RABGEF1: variants seen among roughly 807,000 people sequenced by gnomAD.
RABGEF1 encodes rab5 GDP/GTP exchange factor.
A neutral mutation model predicts 57.3 loss-of-function variants in RABGEF1; 26 were observed. That is an observed-to-expected ratio of 0.45 (90% CI 0.33 to 0.63). RABGEF1 has a LOEUF of 0.63. Ranked by LOEUF, RABGEF1 falls within the 20% of genes least tolerant of loss-of-function variation. RABGEF1 has a pLI of 0.02. For missense variants in RABGEF1, 464 were observed against 607.6 expected (o/e 0.76, Z 2.48); for synonymous variants, 185 against 210.7 (o/e 0.88, Z 1.06).
At chr7:66,756,086 T>A (rs1802642417) in intron 1 of RABGEF1, 12 of 1,451,026 alleles carry the variant, frequency 8.3e-6, no homozygotes, top group Non-Finnish European at 1.1e-5. Flanking sequence ...AGGTGAGTAC[T>A]GAAAGATATA....
upstream of RABGEF1, among the ~76,000 whole-genome samples, chr7:66,680,847 C>G (rs1315200586): frequency 6.6e-6 from 1 of 151,976 alleles, no homozygotes; most frequent in Non-Finnish European, 1.5e-5. Context: ...TTTGGAAGGC[C>G]AAGGCGGGCG....
rs770346275 is a variant in RABGEF1, at chr7:66,795,586, G to T, written c.589G>T (p.Gly197Trp). Reference sequence around the variant, plus strand: ...TGTGGCCGAAAGGATGCAAACTCGTGGGAAAGGTAACACTGTTAGCCATTG... The same window carrying T: ...TGTGGCCGAAAGGATGCAAACTCGTTGGAAAGGTAACACTGTTAGCCATTG... ...HNVAERMQTR[G>W]KVPPERVEKI... is the part of the protein sequence containing the mutation. Residue 197 changes from glycine to tryptophan, a missense_variant, in exon 5 of 9, where the codon GGG (glycine) becomes TGG (tryptophan). By Grantham distance (184) the Gly-to-Trp change is radical. Transcript: ENST00000284957. 10 of 1,604,064 alleles carry T rather than the reference G, an allele frequency of 6.2e-6. No individual in the cohort carries two copies. The highest frequency in any genetic ancestry group is 1.7e-4 in the Middle Eastern group (1 of 6,040).
chr7:66,805,642 C>G (rs1455062148), intron 8 of RABGEF1, among the ~76,000 whole-genome samples: 1 of 152,204 alleles, frequency 6.6e-6, no homozygotes, highest in Admixed American at 6.5e-5. Context: ...CATCACTCCC[C>G]ACGGTCCTGG....
chr7:66,801,973 G>C (rs1461816270), intron 7 of RABGEF1, among the ~76,000 whole-genome samples: 4 of 152,168 alleles, frequency 2.6e-5, no homozygotes, highest in African/African-American at 2.4e-5. Context: ...AAGTGGCAAC[G>C]ATCATGGCTC....
At chr7:66,740,399 C>G (rs1585066019), upstream of RABGEF1, 1 of 152,302 alleles carries the variant, frequency 6.6e-6, no homozygotes, top group African/African-American at 2.4e-5. Flanking sequence ...GCCGCAGCCC[C>G]AGGAGTCGCC....
intron 7 of RABGEF1, among the ~76,000 whole-genome samples, chr7:66,801,461 G>C (rs1251487409): frequency 6.6e-6 from 1 of 152,036 alleles, no homozygotes; most frequent in African/African-American, 2.4e-5. Flanking sequence ...CCCCTGTCGT[G>C]CTAGCAAATA....
the RABGEF1 span, among the ~76,000 whole-genome samples, chr7:66,675,697 C>T: frequency 2.0e-5 from 3 of 152,034 alleles, no homozygotes; most frequent in African/African-American, 4.8e-5. Flanking sequence ...CCAGCATAGA[C>T]GAAAACTGTT....
upstream of RABGEF1, among the ~76,000 whole-genome samples, chr7:66,679,694 T>C (rs1377615550): frequency 1.3e-5 from 2 of 152,120 alleles, no homozygotes. Flanking sequence ...CCTCAGGCCT[T>C]TTCTGTCTTT....
At chr7:66,679,467 C>A (rs145116294), upstream of RABGEF1, among the ~76,000 whole-genome samples, 476 of 152,268 alleles carry the variant, frequency 3.1e-3, 3 homozygotes, top group African/African-American at 0.011. Flanking sequence ...GGCCACCACG[C>A]CTGGCTAATG....
the RABGEF1 span, among the ~76,000 whole-genome samples, chr7:66,664,077 G>GGA: frequency 3.9e-5 from 3 of 77,914 alleles, no homozygotes; most frequent in East Asian, 9.9e-4. Flanking sequence ...GTCTCAAAAA[G>GGA]AAAAAAAAAA....
rs542897842 is a variant in RABGEF1, at chr7:66,727,883, A to C, written c.-814-12113A>C. ...ATTCCCAGCGGCTGCCTTGGAACACACGCGTGGCTGCCTCTGGAGCCTTTT... is the reference window on the plus strand; with the variant it reads ...ATTCCCAGCGGCTGCCTTGGAACACCCGCGTGGCTGCCTCTGGAGCCTTTT... On this transcript the variant is annotated intron_variant and NMD_transcript_variant, in intron 2 of 9. Transcript: ENST00000607882. Among the ~76,000 whole-genome samples the C allele has an allele frequency of 5.9e-5, 9 of 152,242 alleles. No homozygotes were observed. In the South Asian group the frequency reaches 1.2e-3, roughly 21 times the overall value.
intron 1 of RABGEF1, among the ~76,000 whole-genome samples, chr7:66,754,730 A>T (rs575131378): frequency 6.6e-6 from 1 of 152,248 alleles, no homozygotes; most frequent in African/African-American, 2.4e-5. Context: ...ACAAATCTGA[A>T]TAAATACATT....
At position 66,756,004 on chromosome 7, in the gene RABGEF1, G is replaced by A; in HGVS notation, c.-18+15212G>A. 4 of 1,415,468 alleles carry A rather than the reference G, an allele frequency of 2.8e-6. No homozygotes were observed. The South Asian group carries it at 6.0e-5, about 21-fold the overall frequency. 87.7% of individuals were successfully genotyped at this position (1,415,468 alleles called of 1,614,324 possible). On this transcript the variant is annotated intron_variant, in intron 1 of 8. Transcript: ENST00000284957. Reference sequence around the variant, plus strand: ...CATTATATTTAATCATATGAAAGTTGGTGAACCTTGGATTACAGATTGCAA... The same window carrying A: ...CATTATATTTAATCATATGAAAGTTAGTGAACCTTGGATTACAGATTGCAA...
At chr7:66,802,787 C>T (rs1471547596) in intron 7 of RABGEF1, among the ~76,000 whole-genome samples, 3 of 152,086 alleles carry the variant, frequency 2.0e-5, no homozygotes, top group Admixed American at 1.3e-4. Flanking sequence ...TCCCTTTTTC[C>T]ACCCCAGCCC....
Position 66,693,294 on chromosome 7 carries a change from C to T in RABGEF1, c.-873+11036C>T, listed in dbSNP as rs112977413. Among the ~76,000 whole-genome samples the T allele has an allele frequency of 2.8e-3, 429 of 152,302 alleles. 1 individual carries two copies. The highest frequency in any genetic ancestry group is 9.9e-3 in the African/African-American group (413 of 41,560). On this transcript the variant is annotated intron_variant and NMD_transcript_variant, in intron 1 of 9. Transcript: ENST00000607882. Reference sequence around the variant, plus strand: ...TGTATGTTTCCACCCCCCAGGGCACCATCAAAAGTAAATTAACATTTTTTC... The same window carrying T: ...TGTATGTTTCCACCCCCCAGGGCACTATCAAAAGTAAATTAACATTTTTTC...
chr7:66,718,907 C>CT (rs1290675809), intron 2 of RABGEF1, among the ~76,000 whole-genome samples: 1 of 152,234 alleles, frequency 6.6e-6, no homozygotes, highest in African/African-American at 2.4e-5. Flanking sequence ...CTCCCTAGTC[C>CT]TTTAACTCTA....
chr7:66,746,814 C>T (rs1365125978), intron 1 of RABGEF1, among the ~76,000 whole-genome samples: 1 of 149,558 alleles, frequency 6.7e-6, no homozygotes, highest in Non-Finnish European at 1.5e-5. Context: ...TGGAGTGAGA[C>T]TGAGTTTCAG....
intron 1 of RABGEF1, among the ~76,000 whole-genome samples, chr7:66,769,858 T>G (rs1369634025): frequency 6.6e-6 from 1 of 152,234 alleles, no homozygotes; most frequent in Non-Finnish European, 1.5e-5. Flanking sequence ...CTGTCTGTGC[T>G]ACATCATTCA....
At chr7:66,690,468 A>G (rs910444628) in intron 1 of RABGEF1, among the ~76,000 whole-genome samples, 11 of 148,812 alleles carry the variant, frequency 7.4e-5, no homozygotes, top group African/African-American at 2.5e-4. Flanking sequence ...TAATCCCAGC[A>G]CTTTGGGAGG....
Sources: gnomAD v4.1 joint callset for allele counts (sites outside exome capture counted in the v4.1 genomes callset) on GRCh38, gnomAD v4.1.1 for gene constraint, MANE v1.5 for transcripts, NCBI Gene and HGNC (gene_info 2026-07-23, HGNC 2026-07-21) for gene names.